The following IGSF11 variants were observed in gnomAD, a reference collection of about 807,000 sequenced individuals.
IGSF11 encodes the protein CXADR like 1.
In IGSF11, 22 loss-of-function variants were observed where a neutral mutation model predicts 41.0. The observed-to-expected ratio is 0.54, with a 90% CI of 0.38 to 0.77. IGSF11 has a LOEUF of 0.77. Among genes scored for constraint, IGSF11 ranks in the 30% least tolerant of loss-of-function variants. IGSF11 has a pLI of 0.00. For synonymous variants in IGSF11, 219 were observed against 201.3 expected (o/e 1.09, Z -0.74); for missense variants, 444 against 530.8 (o/e 0.84, Z 1.61).
At position 119,000,658 on chromosome 3, in the gene IGSF11, C is replaced by T. The variant is rs544572567; in HGVS notation, c.52+33873G>A. Among the ~76,000 whole-genome samples the T allele has an allele frequency of 1.1e-4, 16 of 152,086 alleles. No individual in the cohort carries two copies. In the South Asian group the frequency reaches 3.3e-3, roughly 32 times the overall value. Reference sequence around the variant, plus strand: ...TCTGTGTCATACCATCATCATTTCTCATCTGAATTATTCCAGTAGTGTGTC... The same window carrying T: ...TCTGTGTCATACCATCATCATTTCTTATCTGAATTATTCCAGTAGTGTGTC... On this transcript the variant is annotated intron_variant, in intron 1 of 6. Transcript: ENST00000393775.
At chr3:119,080,523 C>A (rs1444705789) in intron 1 of IGSF11, among the ~76,000 whole-genome samples, 3 of 152,130 alleles carry the variant, frequency 2.0e-5, no homozygotes, top group Non-Finnish European at 4.4e-5. Context: ...TCTGCAAGAA[C>A]AAGTAACACT....
chr3:119,003,812 C>T (rs1177493519), intron 1 of IGSF11, among the ~76,000 whole-genome samples: 3 of 151,172 alleles, frequency 2.0e-5, no homozygotes, highest in Non-Finnish European at 4.4e-5. Context: ...AGGGATGAAG[C>T]CCACTTGATC....
At chr3:119,101,126 T>C (rs1576798961) in intron 1 of IGSF11, among the ~76,000 whole-genome samples, 1 of 152,358 alleles carries the variant, frequency 6.6e-6, no homozygotes, top group East Asian at 1.9e-4. Flanking sequence ...CTGCCATTTG[T>C]CTAACACGGG....
chr3:119,077,391 C>T (rs929427767), intron 1 of IGSF11, among the ~76,000 whole-genome samples: 1 of 151,990 alleles, frequency 6.6e-6, no homozygotes, highest in Admixed American at 6.6e-5. Context: ...ACGTTGTGCA[C>T]ATGTACCCTA....
At chr3:119,069,524 AG>A (rs1942337180) in intron 1 of IGSF11, among the ~76,000 whole-genome samples, 1 of 152,202 alleles carries the variant, frequency 6.6e-6, no homozygotes, top group Non-Finnish European at 1.5e-5. Flanking sequence ...GATTATGAAA[AG>A]GCCTAATTTC....
chr3:118,925,575 C>A (rs1021324760), intron 4 of IGSF11, among the ~76,000 whole-genome samples: 1 of 152,150 alleles, frequency 6.6e-6, no homozygotes, highest in Non-Finnish European at 1.5e-5. Context: ...ACGTAGAAAT[C>A]ATCCATGACC....
chr3:119,010,019 A>G (rs1937913883), intron 1 of IGSF11, among the ~76,000 whole-genome samples: 1 of 152,262 alleles, frequency 6.6e-6, no homozygotes, highest in African/African-American at 2.4e-5. Context: ...CAGAATGAGT[A>G]GAAGCATAAT....
chr3:119,020,737 A>G (rs1231577029), intron 1 of IGSF11, among the ~76,000 whole-genome samples: 2 of 152,220 alleles, frequency 1.3e-5, no homozygotes, highest in African/African-American at 2.4e-5. Flanking sequence ...CCAGGCAGGC[A>G]ATACACAAGT....
intron 1 of IGSF11, among the ~76,000 whole-genome samples, chr3:119,070,443 G>A (rs1230384324): frequency 6.6e-6 from 1 of 152,170 alleles, no homozygotes; most frequent in Non-Finnish European, 1.5e-5. Context: ...GACTAAGCAA[G>A]CATACCAAAA....
chr3:119,041,818 A>T (rs1941128578), intron 1 of IGSF11, among the ~76,000 whole-genome samples: 1 of 152,194 alleles, frequency 6.6e-6, no homozygotes. Flanking sequence ...CCTTCTAAAA[A>T]TAAAACTCTA....
At chr3:119,129,775 A>T (rs938007930) in intron 1 of IGSF11, among the ~76,000 whole-genome samples, 6 of 152,252 alleles carry the variant, frequency 3.9e-5, no homozygotes, top group Non-Finnish European at 7.3e-5. Flanking sequence ...ATTTGAGCCC[A>T]GGAGTTCCAG....
chr3:118,928,792 C>T, intron 2 of IGSF11, 76 bp from the exon 3 acceptor site: 1 of 1,056,556 alleles, frequency 9.5e-7, no homozygotes, highest in East Asian at 2.6e-5. Context: ...ATTTGGTAGA[C>T]AGTACCAAAT....
chr3:119,079,192 T>C (rs531741931), intron 1 of IGSF11, among the ~76,000 whole-genome samples: 10 of 152,182 alleles, frequency 6.6e-5, no homozygotes, highest in African/African-American at 2.4e-4. Flanking sequence ...ATCCTGTCTC[T>C]ACTAAAAATA....
At chr3:118,970,483 A>C (rs1933262520) in intron 1 of IGSF11, among the ~76,000 whole-genome samples, 1 of 152,238 alleles carries the variant, frequency 6.6e-6, no homozygotes, top group Admixed American at 6.5e-5. Context: ...AGGATACTAC[A>C]TAAGCAAGAA....
intron 1 of IGSF11, among the ~76,000 whole-genome samples, chr3:119,008,609 G>A (rs965891025): frequency 2.0e-5 from 3 of 152,112 alleles, no homozygotes; most frequent in African/African-American, 4.8e-5. Flanking sequence ...CAACATTTTT[G>A]GTGATTCTGA....
intron 1 of IGSF11, among the ~76,000 whole-genome samples, chr3:118,980,827 T>C (rs1339732921): frequency 6.6e-6 from 1 of 152,266 alleles, no homozygotes; most frequent in Admixed American, 6.5e-5. Context: ...CAAAAAATTT[T>C]TAAATATTTG....
chr3:119,013,566 C>T (rs56053606), intron 1 of IGSF11, among the ~76,000 whole-genome samples: 27,300 of 152,198 alleles, frequency 0.18, 2,932 homozygotes, highest in African/African-American at 0.3. Flanking sequence ...CAAACAGTAT[C>T]GATTCTTTTG....
chr3:119,074,364 C>A (rs763176139), intron 1 of IGSF11, among the ~76,000 whole-genome samples: 1 of 152,130 alleles, frequency 6.6e-6, no homozygotes, highest in Non-Finnish European at 1.5e-5. Flanking sequence ...AAAGGTCTCT[C>A]AACCCCATAT....
intron 1 of IGSF11, chr3:118,945,852 T>C (rs561505421): frequency 6.6e-6 from 1 of 152,332 alleles, no homozygotes; most frequent in African/African-American, 2.4e-5. Flanking sequence ...ATTGTCTCCT[T>C]CTGTTCTGTG....
Sources: allele counts gnomAD v4.1 joint callset (sites outside exome capture counted in the v4.1 genomes callset), GRCh38; gene constraint gnomAD v4.1.1; transcripts MANE v1.5; gene names NCBI Gene and HGNC (gene_info 2026-07-23, HGNC 2026-07-21).